Variants in NTM observed in about 807,000 individuals in gnomAD.
NTM encodes neurotrimin, also known as IgLON family member 2.
A neutral mutation model predicts 42.1 loss-of-function variants in NTM; 13 were observed. The ratio of observed to expected loss-of-function variants is 0.31; its 90% CI spans 0.20 to 0.49. The LOEUF (loss-of-function observed/expected upper bound fraction) is 0.49, where lower values mean the gene tolerates loss of function less well. Among genes scored for constraint, NTM ranks in the 20% least tolerant of loss-of-function variants. The probability of loss-of-function intolerance (pLI) is 0.99; values close to 1 mark genes in which losing one functional copy is unlikely to be tolerated. For missense variants in NTM, 373 were observed against 452.8 expected (o/e 0.82, Z 1.60); for synonymous variants, 187 against 179.2 (o/e 1.04, Z -0.35).
At chr11:131,990,216 C>A (rs1405370149) in intron 2 of NTM, among the ~76,000 whole-genome samples, 1 of 152,088 alleles carries the variant, frequency 6.6e-6, no homozygotes, top group African/African-American at 2.4e-5. Flanking sequence ...TAGATTTGAA[C>A]TGAAATCTAA....
At chr11:131,848,525 C>T (rs933711063) in intron 1 of NTM, among the ~76,000 whole-genome samples, 5 of 152,188 alleles carry the variant, frequency 3.3e-5, no homozygotes, top group Admixed American at 2.0e-4. Flanking sequence ...GAACTCATCC[C>T]TCCCATGAAA....
chr11:131,997,408 G>T (rs537069727), intron 2 of NTM, among the ~76,000 whole-genome samples: 3 of 152,162 alleles, frequency 2.0e-5, no homozygotes, highest in South Asian at 2.1e-4. Context: ...AAGTTTAGAA[G>T]AAGATTTAAG....
intron 1 of NTM, among the ~76,000 whole-genome samples, chr11:131,670,646 G>C (rs1344152464): frequency 6.6e-6 from 1 of 152,146 alleles, no homozygotes; most frequent in Admixed American, 6.5e-5. Context: ...CAGGAGACAA[G>C]GCTAGGAGGC....
chr11:131,774,648 A>T (rs1401246140), intron 1 of NTM, among the ~76,000 whole-genome samples: 1 of 152,222 alleles, frequency 6.6e-6, no homozygotes, highest in Non-Finnish European at 1.5e-5. Flanking sequence ...AAAATTGTAG[A>T]AAGAGTTTAT....
At chr11:132,319,805 C>T (rs2095518681) in intron 7 of NTM, among the ~76,000 whole-genome samples, 1 of 152,230 alleles carries the variant, frequency 6.6e-6, no homozygotes, top group Non-Finnish European at 1.5e-5. Context: ...GATCTGAGAA[C>T]AGGCAGACTG....
intron 1 of NTM, among the ~76,000 whole-genome samples, chr11:131,573,205 A>G (rs2057617152): frequency 6.6e-6 from 1 of 152,152 alleles, no homozygotes. Flanking sequence ...TATCATTCCT[A>G]GGAGGAAAAT....
At chr11:131,584,423 G>A (rs1201340934) in intron 1 of NTM, among the ~76,000 whole-genome samples, 1 of 152,156 alleles carries the variant, frequency 6.6e-6, no homozygotes, top group African/African-American at 2.4e-5. Flanking sequence ...AGGGGCGGAG[G>A]CCATGAGAGG....
intron 2 of NTM, among the ~76,000 whole-genome samples, chr11:131,977,555 C>T (rs964199141): frequency 1.3e-5 from 2 of 152,190 alleles, no homozygotes; most frequent in African/African-American, 4.8e-5. Flanking sequence ...TAAGGTCTTG[C>T]CAGCTCATTG....
At chr11:131,943,944 G>T (rs932039475) in intron 2 of NTM, among the ~76,000 whole-genome samples, 1 of 151,908 alleles carries the variant, frequency 6.6e-6, no homozygotes, top group Non-Finnish European at 1.5e-5. Flanking sequence ...TACCTGTTAG[G>T]CTGATATTCC....
intron 2 of NTM, among the ~76,000 whole-genome samples, chr11:132,031,665 G>A (rs1326598526): frequency 1.3e-5 from 2 of 152,170 alleles, no homozygotes; most frequent in Non-Finnish European, 2.9e-5. Flanking sequence ...TAAGGCTTGA[G>A]ATACCTCTTA....
intron 1 of NTM, among the ~76,000 whole-genome samples, chr11:131,446,950 C>T (rs1172505617): frequency 1.3e-5 from 2 of 152,226 alleles, no homozygotes; most frequent in East Asian, 1.9e-4. Flanking sequence ...ATACTTTTAA[C>T]TGTTAGCCTA....
chr11:131,993,782 C>T (rs756466810), intron 2 of NTM, among the ~76,000 whole-genome samples: 3 of 151,932 alleles, frequency 2.0e-5, no homozygotes, highest in Non-Finnish European at 4.4e-5. Context: ...GGGTGGATCA[C>T]CTGAGGTTAG....
At chr11:131,741,157 C>A (rs1166230373) in intron 1 of NTM, among the ~76,000 whole-genome samples, 1 of 131,326 alleles carries the variant, frequency 7.6e-6, no homozygotes, top group Non-Finnish European at 1.6e-5. Flanking sequence ...AGAGCAAGAC[C>A]CCGTTGAGAG....
At chr11:131,726,147 T>C (rs959249725) in intron 1 of NTM, among the ~76,000 whole-genome samples, 3 of 152,322 alleles carry the variant, frequency 2.0e-5, no homozygotes, top group Middle Eastern at 3.4e-3. Context: ...CTGGTTGTGT[T>C]TCTTCTCTCC....
chr11:131,917,625 G>A (rs1011147019), intron 2 of NTM, among the ~76,000 whole-genome samples: 1 of 152,194 alleles, frequency 6.6e-6, no homozygotes, highest in African/African-American at 2.4e-5. Flanking sequence ...CTCTCTGTTT[G>A]TGGAGTCTGC....
At chr11:131,960,257 A>G (rs2062010630) in intron 2 of NTM, among the ~76,000 whole-genome samples, 1 of 152,202 alleles carries the variant, frequency 6.6e-6, no homozygotes. Context: ...CCTCCCAGGT[A>G]AGACCTCCGT....
At position 132,146,149 on chromosome 11, in the gene NTM, A is replaced by T; in HGVS notation, c.168-133A>T. The T allele has an allele frequency of 7.2e-7, 1 of 1,398,378 alleles. No individual in the cohort carries two copies. The allele number at this position is 1,398,378 out of a possible 1,614,324, so 86.6% of individuals were successfully genotyped here. ...TGTGTTCCAGAAAAGTCCACCCCTGACAAATCAAAGGAAATGTATGTGTTG... is the reference window on the plus strand; with the variant it reads ...TGTGTTCCAGAAAAGTCCACCCCTGTCAAATCAAAGGAAATGTATGTGTTG... On this transcript the variant is annotated intron_variant, in intron 2 of 8. Coordinates refer to ENST00000683400, the MANE Select transcript of NTM (RefSeq NM_001352005.2). The surrounding 1 kb of genome is among the most constrained non-coding windows in gnomAD (Gnocchi z 4.5).
chr11:131,594,817 G>A lies in NTM; in HGVS notation c.82+223929G>A, dbSNP rs1470301093. ...TTGTTCACCTGCATTGAGACCTAGA[G>A]AAGTTGACAGGGAGGACAGGAGAGT... On this transcript the variant is annotated intron_variant, in intron 1 of 8. Transcript: ENST00000683400. 7.9e-5 allele frequency among the ~76,000 whole-genome samples: 12 copies of A among 152,296 alleles called. No homozygotes were observed. The East Asian group carries it at 2.3e-3, about 29-fold the overall frequency.
intron 1 of NTM, among the ~76,000 whole-genome samples, chr11:131,727,791 G>T (rs971988388): frequency 4.6e-5 from 7 of 152,128 alleles, no homozygotes; most frequent in Non-Finnish European, 1.0e-4. Flanking sequence ...ATTATGCAAA[G>T]CCCAGTTTCC....
Sources: gnomAD v4.1 joint callset for allele counts (sites outside exome capture counted in the v4.1 genomes callset) on GRCh38, gnomAD v4.1.1 for gene constraint, Gnocchi (gnomAD v3.1) non-coding constraint, MANE v1.5 for transcripts, NCBI Gene and HGNC (gene_info 2026-07-23, HGNC 2026-07-21) for gene names.